Variants in TENM3 observed in about 807,000 individuals in gnomAD.
TENM3 encodes teneurin-3.
A neutral mutation model predicts 255.1 loss-of-function variants in TENM3; 63 were observed. That is an observed-to-expected ratio of 0.25 (90% CI 0.20 to 0.30). The LOEUF is 0.30. Among genes scored for constraint, TENM3 ranks in the 10% least tolerant of loss-of-function variants. The pLI is 1.00. For missense variants in TENM3, 2,929 were observed against 3,461.1 expected (o/e 0.85, Z 3.86); for synonymous variants, 1,306 against 1,322.3 (o/e 0.99, Z 0.27).
the TENM3 span, among the ~76,000 whole-genome samples, chr4:181,509,731 T>A: frequency 2.0e-5 from 3 of 152,186 alleles, no homozygotes; most frequent in African/African-American, 7.2e-5. Flanking sequence ...ACGGAGGTGC[T>A]AAGGGTGAGG....
the TENM3 span, among the ~76,000 whole-genome samples, chr4:181,821,373 G>A: frequency 1.3e-5 from 2 of 152,176 alleles, no homozygotes; most frequent in African/African-American, 4.8e-5. Flanking sequence ...TTTTGTCACA[G>A]TTCTCATCTT....
intron 3 of TENM3, among the ~76,000 whole-genome samples, chr4:182,430,853 A>T (rs1177236875): frequency 1.3e-5 from 2 of 151,590 alleles, no homozygotes; most frequent in Non-Finnish European, 2.9e-5. Context: ...CTCTACTAAA[A>T]ATACAAAAAT....
chr4:182,064,084 C>G, the TENM3 span, among the ~76,000 whole-genome samples: 1 of 151,938 alleles, frequency 6.6e-6, no homozygotes, highest in Non-Finnish European at 1.5e-5. Flanking sequence ...GTTTTATTTG[C>G]CTTCTCTAGC....
chr4:182,463,564 G>A (rs1008540481), intron 3 of TENM3, among the ~76,000 whole-genome samples: 3 of 151,590 alleles, frequency 2.0e-5, no homozygotes, highest in East Asian at 3.9e-4. Flanking sequence ...TCCACCTCCC[G>A]AGTTCAAGCG....
chr4:181,719,773 T>G, the TENM3 span, among the ~76,000 whole-genome samples: 1 of 152,234 alleles, frequency 6.6e-6, no homozygotes, highest in Non-Finnish European at 1.5e-5. Context: ...ATAGTCTCTA[T>G]CATAAATTCA....
At chr4:182,023,966 T>A in the TENM3 span, among the ~76,000 whole-genome samples, 1 of 152,204 alleles carries the variant, frequency 6.6e-6, no homozygotes, top group African/African-American at 2.4e-5. Context: ...AGGGGACAAA[T>A]TCCTTACTGC....
intron 2 of TENM3, among the ~76,000 whole-genome samples, chr4:182,333,449 A>T (rs1032847261): frequency 3.9e-5 from 6 of 152,206 alleles, no homozygotes; most frequent in African/African-American, 1.4e-4. Context: ...AAATCTACTA[A>T]CATAATTAGA....
the TENM3 span, among the ~76,000 whole-genome samples, chr4:182,096,527 A>G: frequency 6.6e-6 from 1 of 152,352 alleles, no homozygotes; most frequent in African/African-American, 2.4e-5. Flanking sequence ...TGCATCCACA[A>G]ATGAATGAGT....
chr4:182,548,167 G>T (rs1203123949), intron 3 of TENM3, among the ~76,000 whole-genome samples: 1 of 152,136 alleles, frequency 6.6e-6, no homozygotes, highest in Non-Finnish European at 1.5e-5. Context: ...GGAGGGTGCA[G>T]TGATCTATGA....
intron 3 of TENM3, among the ~76,000 whole-genome samples, chr4:182,453,727 G>C (rs1287658677): frequency 6.6e-6 from 1 of 152,094 alleles, no homozygotes; most frequent in Non-Finnish European, 1.5e-5. Flanking sequence ...GGGGCCTGCT[G>C]TCTAGAGACC....
At chr4:181,487,784 C>T in the TENM3 span, among the ~76,000 whole-genome samples, 58 of 151,888 alleles carry the variant, frequency 3.8e-4, no homozygotes, top group African/African-American at 1.2e-3. Context: ...GTGGTCCTGC[C>T]GCATTAGATC....
At chr4:181,528,530 G>A in the TENM3 span, among the ~76,000 whole-genome samples, 1 of 152,200 alleles carries the variant, frequency 6.6e-6, no homozygotes, top group South Asian at 2.1e-4. Flanking sequence ...ACTAAGAATA[G>A]CTAAGACTTG....
the TENM3 span, among the ~76,000 whole-genome samples, chr4:181,844,291 C>T: frequency 1.3e-5 from 2 of 152,042 alleles, no homozygotes; most frequent in African/African-American, 4.8e-5. Context: ...ATAGAAAATA[C>T]GACATGGAAA....
the TENM3 span, among the ~76,000 whole-genome samples, chr4:181,849,371 G>A: frequency 6.6e-6 from 1 of 152,056 alleles, no homozygotes; most frequent in African/African-American, 2.4e-5. Context: ...ACTAATAAAC[G>A]TGTGCAAGCT....
At chr4:182,557,354 G>A (rs957474449) in intron 3 of TENM3, among the ~76,000 whole-genome samples, 2 of 152,076 alleles carry the variant, frequency 1.3e-5, no homozygotes, top group East Asian at 1.9e-4. Flanking sequence ...CATTAGAATC[G>A]TAATTGTCTG....
At chr4:182,198,767 A>C (rs1001781498) in intron 1 of TENM3, among the ~76,000 whole-genome samples, 3 of 152,164 alleles carry the variant, frequency 2.0e-5, no homozygotes, top group Non-Finnish European at 4.4e-5. Context: ...CCGATGATGA[A>C]GGACAGAGCA....
At chr4:182,203,126 AGAATCACTTGAACCAGG>A (rs1754306677) in intron 1 of TENM3, among the ~76,000 whole-genome samples, 1 of 152,024 alleles carries the variant, frequency 6.6e-6, no homozygotes, top group South Asian at 2.1e-4. Flanking sequence ...CTGAGGCAGG[AGAATCACTTGAACCAGG>A]GAGGTGGAGG....
the TENM3 span, among the ~76,000 whole-genome samples, chr4:182,007,886 G>A: frequency 6.6e-6 from 1 of 152,156 alleles, no homozygotes; most frequent in Non-Finnish European, 1.5e-5. Context: ...CATATTTAAT[G>A]CTTCTTTCAG....
the TENM3 span, among the ~76,000 whole-genome samples, chr4:181,791,879 ACT>A: frequency 6.6e-6 from 1 of 152,176 alleles, no homozygotes; most frequent in Non-Finnish European, 1.5e-5. Context: ...TTTTTGCCTG[ACT>A]CTGTGGATTC....
Sources: gnomAD v4.1 joint callset for allele counts (sites outside exome capture counted in the v4.1 genomes callset) on GRCh38, gnomAD v4.1.1 for gene constraint, MANE v1.5 for transcripts, NCBI Gene and HGNC (gene_info 2026-07-23, HGNC 2026-07-21) for gene names.